The following PLCL1 variants were observed in gnomAD, a reference collection of about 807,000 sequenced individuals.
PLCL1 encodes inactive phospholipase C-like protein 1.
Under a neutral mutation model 84.4 loss-of-function variants are expected in PLCL1, and 41 were observed. The ratio of observed to expected loss-of-function variants is 0.49; its 90% CI spans 0.38 to 0.63. The LOEUF is 0.63. PLCL1 is among the 30% of genes least tolerant of loss of function. The probability of loss-of-function intolerance (pLI) is 0.00; values close to 1 mark genes in which losing one functional copy is unlikely to be tolerated. For synonymous variants in PLCL1, 490 were observed against 488.3 expected (o/e 1.00, Z -0.05); for missense variants, 1,206 against 1,367.8 (o/e 0.88, Z 1.87).
chr2:197,826,009 A>G lies in PLCL1; in HGVS notation c.240+20670A>G, dbSNP rs938198353. Reference sequence around the variant, plus strand: ...GCTACTAATGAAAAGTCGGTAATTCACTACATAATTTTACGACAGGGTCTA... The same window carrying G: ...GCTACTAATGAAAAGTCGGTAATTCGCTACATAATTTTACGACAGGGTCTA... On this transcript the variant is annotated intron_variant, in intron 1 of 5. Coordinates refer to ENST00000428675, the MANE Select transcript of PLCL1 (RefSeq NM_006226.4). 2.6e-5 allele frequency among the ~76,000 whole-genome samples: 4 copies of G among 152,256 alleles called. No individual in the cohort carries two copies. The South Asian group carries it at 8.3e-4, about 32-fold the overall frequency.
At chr2:197,957,005 A>G (rs2105786448) in intron 1 of PLCL1, among the ~76,000 whole-genome samples, 1 of 151,762 alleles carries the variant, frequency 6.6e-6, no homozygotes, top group South Asian at 2.1e-4. Context: ...CATGTCAACT[A>G]CTTTCTTTAC....
At chr2:198,047,266 C>T (rs1691828773) in intron 1 of PLCL1, among the ~76,000 whole-genome samples, 1 of 152,048 alleles carries the variant, frequency 6.6e-6, no homozygotes, top group South Asian at 2.1e-4. Context: ...TCACTGCAAC[C>T]TCTGCCACCT....
intron 5 of PLCL1, among the ~76,000 whole-genome samples, chr2:198,122,390 C>A (rs1693889127): frequency 6.6e-6 from 1 of 151,978 alleles, no homozygotes; most frequent in Admixed American, 6.6e-5. Context: ...TAACTTTTAT[C>A]TTTGAGTTTC....
At chr2:198,061,357 G>A (rs1175601231) in intron 1 of PLCL1, among the ~76,000 whole-genome samples, 1 of 152,088 alleles carries the variant, frequency 6.6e-6, no homozygotes, top group Admixed American at 6.5e-5. Flanking sequence ...TGTGAATATT[G>A]TTTTCCAGTG....
chr2:198,002,076 T>A (rs531544598), intron 1 of PLCL1: 1 of 347,960 alleles, frequency 2.9e-6, no homozygotes, highest in African/African-American at 2.1e-5. Context: ...GCACAATAAA[T>A]GTAATGTGCT....
At chr2:197,813,677 G>A (rs1315724154) in intron 1 of PLCL1, among the ~76,000 whole-genome samples, 1 of 152,020 alleles carries the variant, frequency 6.6e-6, no homozygotes, top group Non-Finnish European at 1.5e-5. Flanking sequence ...GCATTAACGT[G>A]TGTCAAATAA....
chr2:197,947,111 G>A (rs371870164), intron 1 of PLCL1, among the ~76,000 whole-genome samples: 6 of 151,860 alleles, frequency 4.0e-5, no homozygotes, highest in Non-Finnish European at 4.4e-5. Flanking sequence ...GTGAACATAC[G>A]TTTTCATGGA....
intron 1 of PLCL1, among the ~76,000 whole-genome samples, chr2:198,083,265 A>C (rs927644809): frequency 1.3e-5 from 2 of 152,200 alleles, no homozygotes; most frequent in Admixed American, 1.3e-4. Context: ...CAGGAAAAAA[A>C]CGTGATTTCT....
intron 1 of PLCL1, among the ~76,000 whole-genome samples, chr2:197,990,199 T>C (rs954995841): frequency 6.6e-6 from 1 of 152,170 alleles, no homozygotes; most frequent in Non-Finnish European, 1.5e-5. Context: ...CTCATAGAGA[T>C]GTAGCTGACA....
chr2:197,955,912 C>T (rs1337852794), intron 1 of PLCL1, among the ~76,000 whole-genome samples: 1 of 151,890 alleles, frequency 6.6e-6, no homozygotes, highest in Non-Finnish European at 1.5e-5. Context: ...ATCAACCCGT[C>T]ATCTAGGTTT....
chr2:198,094,058 TTCTC>T (rs1693125287), intron 3 of PLCL1, among the ~76,000 whole-genome samples: 3 of 152,116 alleles, frequency 2.0e-5, no homozygotes, highest in South Asian at 4.1e-4. Context: ...GTCATTTTTT[TTCTC>T]TCTCTCTTTT....
chr2:198,134,640 T>C (rs1694211030), intron 5 of PLCL1, among the ~76,000 whole-genome samples: 1 of 152,178 alleles, frequency 6.6e-6, no homozygotes, highest in African/African-American at 2.4e-5. Flanking sequence ...AAAAGCATTA[T>C]GATTTAGCAG....
intron 1 of PLCL1, among the ~76,000 whole-genome samples, chr2:197,813,713 T>A (rs527883791): frequency 2.6e-5 from 4 of 152,288 alleles, no homozygotes; most frequent in African/African-American, 9.6e-5. Context: ...AACCATATGA[T>A]ATGCATATTA....
At chr2:198,052,575 C>T (rs1221284049) in intron 1 of PLCL1, among the ~76,000 whole-genome samples, 1 of 150,782 alleles carries the variant, frequency 6.6e-6, no homozygotes, top group Non-Finnish European at 1.5e-5. Context: ...ATTTTGGAAG[C>T]ATTATTTCAG....
At chr2:197,817,909 G>GT (rs1265813718) in intron 1 of PLCL1, among the ~76,000 whole-genome samples, 1 of 151,856 alleles carries the variant, frequency 6.6e-6, no homozygotes, top group African/African-American at 2.4e-5. Flanking sequence ...ATGGTCTTTG[G>GT]TTTTTTTGGA....
intron 5 of PLCL1, among the ~76,000 whole-genome samples, chr2:198,137,605 A>G (rs1351156091): frequency 6.6e-6 from 1 of 152,214 alleles, no homozygotes; most frequent in African/African-American, 2.4e-5. Flanking sequence ...CCAGGCAAGC[A>G]TAAAAAAATC....
intron 1 of PLCL1, among the ~76,000 whole-genome samples, chr2:198,056,177 G>A (rs1559088214): frequency 6.6e-6 from 1 of 152,098 alleles, no homozygotes; most frequent in Non-Finnish European, 1.5e-5. Context: ...CTGTCTTCAT[G>A]TTGTTTATCA....
At chr2:197,830,587 G>C (rs978713086) in intron 1 of PLCL1, among the ~76,000 whole-genome samples, 1 of 152,196 alleles carries the variant, frequency 6.6e-6, no homozygotes, top group Middle Eastern at 3.4e-3. Flanking sequence ...AACCAAGTTG[G>C]AAAACACTTT....
chr2:197,846,677 G>GT (rs1290419220), intron 1 of PLCL1, among the ~76,000 whole-genome samples: 1 of 152,108 alleles, frequency 6.6e-6, no homozygotes, highest in Non-Finnish European at 1.5e-5. Flanking sequence ...AATGTGATGG[G>GT]TGAGTGCCCA....
Sources: allele counts gnomAD v4.1 joint callset (sites outside exome capture counted in the v4.1 genomes callset), GRCh38; gene constraint gnomAD v4.1.1; transcripts MANE v1.5; gene names NCBI Gene and HGNC (gene_info 2026-07-23, HGNC 2026-07-21).